Variants in COL6A6 observed in about 807,000 individuals in gnomAD.
COL6A6 encodes the protein collagen alpha-6(VI) chain.
A neutral mutation model predicts 208.6 loss-of-function variants in COL6A6; 183 were observed. The ratio of observed to expected loss-of-function variants is 0.88; its 90% CI spans 0.78 to 0.99. COL6A6 has a LOEUF of 0.99. Among genes scored for constraint, COL6A6 ranks in the 50% least tolerant of loss-of-function variants. The probability of loss-of-function intolerance (pLI) is 0.00; values close to 1 mark genes in which losing one functional copy is unlikely to be tolerated. For synonymous variants in COL6A6, 973 were observed against 1,011.8 expected (o/e 0.96, Z 0.73); for missense variants, 2,816 against 2,815.2 (o/e 1.00, Z -0.01).
intron 7 of COL6A6, among the ~76,000 whole-genome samples, chr3:130,573,653 G>A (rs1456931364): frequency 7.0e-6 from 1 of 142,032 alleles, no homozygotes; most frequent in African/African-American, 2.6e-5. Flanking sequence ...TACAAGCTCC[G>A]CCTCCCGGGT....
Position 130,635,727 on chromosome 3 carries a change from G to T in COL6A6, c.5057G>T (p.Gly1686Val), listed in dbSNP as rs1254310398. ...KGEIGDPGGP[G>V]ETGLKGARGK... The stretch of plus-strand genomic sequence containing the variant: ...GAGATTGGGGACCCTGGTGGTCCAG[G>T]AGAGACTGGGCTGAAGGGAGCTAGA... The change falls in exon 28 of 37, where the codon GGA becomes GTA. Residue 1686 changes from glycine to valine, a missense_variant. By Grantham distance (109) the Gly-to-Val change is moderately radical (BLOSUM62 -3). Transcript: ENST00000358511. The T allele has an allele frequency of 6.2e-7, 1 of 1,612,430 alleles. No individual in the cohort carries two copies. Among genetic ancestry groups the T allele is most frequent in the African/African-American group, 1.3e-5 (1 of 74,914 alleles).
At chr3:130,583,867 G>T (rs2063478092) in intron 10 of COL6A6, among the ~76,000 whole-genome samples, 1 of 152,082 alleles carries the variant, frequency 6.6e-6, no homozygotes, top group South Asian at 2.1e-4. Context: ...ACTTCACTTG[G>T]TGCTGGGCCC....
intron 10 of COL6A6, among the ~76,000 whole-genome samples, chr3:130,583,180 T>A (rs1440962772): frequency 6.6e-6 from 1 of 152,228 alleles, no homozygotes; most frequent in Non-Finnish European, 1.5e-5. Flanking sequence ...TTTTGTTCTC[T>A]CTCTCCAGTC....
chr3:130,530,239 C>A (rs560648871), intron 1 of COL6A6, among the ~76,000 whole-genome samples: 36 of 152,182 alleles, frequency 2.4e-4, no homozygotes, highest in African/African-American at 7.5e-4. Context: ...TCAGCATTCT[C>A]ATCTATCAAA....
chr3:130,562,478 T>G (rs1490624226), intron 2 of COL6A6, among the ~76,000 whole-genome samples: 2 of 152,202 alleles, frequency 1.3e-5, no homozygotes, highest in African/African-American at 2.4e-5. Flanking sequence ...TGAAAAAGAT[T>G]GACTATTCCA....
At chr3:130,593,287 A>G in intron 17 of COL6A6, 35 bp downstream of exon 17, 1 of 1,530,530 alleles carries the variant, frequency 6.5e-7, no homozygotes, top group Middle Eastern at 1.9e-4. Context: ...TAAAAATTGT[A>G]CTGGGGATTA....
intron 1 of COL6A6, among the ~76,000 whole-genome samples, chr3:130,558,630 T>C (rs961163839): frequency 2.6e-5 from 4 of 152,220 alleles, no homozygotes; most frequent in Non-Finnish European, 2.9e-5. Flanking sequence ...CTTCCCATTG[T>C]GACTGTTTGC....
At chr3:130,668,299 A>G (rs942776142) in intron 36 of COL6A6, among the ~76,000 whole-genome samples, 4 of 152,128 alleles carry the variant, frequency 2.6e-5, no homozygotes, top group African/African-American at 9.7e-5. Context: ...CAACATGGTG[A>G]AACCTCATCT....
rs545956406 is a variant in COL6A6 at position 130,520,723 on chromosome 3, C to T, written c.-32+3326C>T. On this transcript the variant is annotated intron_variant, in intron 1 of 36. Transcript: ENST00000358511. ...GCAAAATCTCAGGGAAAATTCCTAA[C>T]GTGAAAAATCTCGGGACAAGATAAA... Among the ~76,000 whole-genome samples the T allele has an allele frequency of 2.3e-4, 35 of 152,264 alleles. 1 individual carries two copies. The highest frequency in any genetic ancestry group is 7.5e-4 in the African/African-American group (31 of 41,550).
intron 33 of COL6A6, among the ~76,000 whole-genome samples, chr3:130,651,858 T>C (rs2065654043): frequency 6.6e-6 from 1 of 152,236 alleles, no homozygotes; most frequent in Non-Finnish European, 1.5e-5. Context: ...GTGTACAACA[T>C]TTAACTTCTG....
rs1157811376 is a variant in COL6A6 at position 130,661,900 on chromosome 3, G to A, written c.6094G>A (p.Glu2032Lys). ...CACTCAGAAGAGTCCAGTTAGAGCTGAGTTCAATCTTACCACCTACAGAAG... is the reference window on the plus strand; with the variant it reads ...CACTCAGAAGAGTCCAGTTAGAGCTAAGTTCAATCTTACCACCTACAGAAG... ...PNTQKSPVRA[E>K]FNLTTYRSKR... The change falls in exon 35 of 37, where the codon GAG (glutamate) becomes AAG (lysine). Residue 2032 changes from glutamate (E) to lysine (K), a missense_variant. Coordinates refer to ENST00000358511, the MANE Select transcript of COL6A6 (RefSeq NM_001102608.3). 5.0e-6 allele frequency: 8 copies of A among 1,613,958 alleles called. No homozygotes were observed. The highest frequency in any genetic ancestry group is 5.9e-6 in the Non-Finnish European group (7 of 1,179,884).
At chr3:130,534,030 G>T (rs1232882330) in intron 1 of COL6A6, among the ~76,000 whole-genome samples, 1 of 152,156 alleles carries the variant, frequency 6.6e-6, no homozygotes, top group Non-Finnish European at 1.5e-5. Context: ...ATGTACCAGG[G>T]TTTCTGTAGG....
chr3:130,583,366 G>A (rs2063466977), intron 10 of COL6A6, among the ~76,000 whole-genome samples: 2 of 152,064 alleles, frequency 1.3e-5, no homozygotes, highest in Non-Finnish European at 2.9e-5. Context: ...TAGTTGGGAT[G>A]GGTAGGGTTG....
At position 130,661,855 on chromosome 3, in the gene COL6A6, C is replaced by G. The variant is rs769364031; in HGVS notation, c.6049C>G (p.Pro2017Ala). The stretch of plus-strand genomic sequence containing the variant: ...CCGGGTGGCCCTATTGAGCCATGCT[C>G]CCCCCGACTTCCTACCCAACACTCA... Reference protein sequence around the residue: ...GDRVALLSHAPPDFLPNTQKS... With the variant: ...GDRVALLSHAAPDFLPNTQKS... Residue 2017 changes from proline to alanine, a missense_variant, in exon 35 of 37, where the codon CCC becomes GCC. Physicochemically the swap from Pro to Ala is conservative, Grantham distance 27. Transcript: ENST00000358511. The G allele has an allele frequency of 1.2e-6, 2 of 1,613,730 alleles. No homozygotes were observed. Among genetic ancestry groups the G allele is most frequent in the Non-Finnish European group, 8.5e-7 (1 of 1,179,774 alleles).
At chr3:130,637,394 T>A (rs12489013) in intron 28 of COL6A6, among the ~76,000 whole-genome samples, 55,417 of 151,300 alleles carry the variant, frequency 0.37, 13,274 homozygotes, top group African/African-American at 0.66. Context: ...AGTCACATTA[T>A]TCATTTTTAA....
intron 36 of COL6A6, among the ~76,000 whole-genome samples, chr3:130,674,815 T>C (rs1484741473): frequency 6.6e-6 from 1 of 152,152 alleles, no homozygotes; most frequent in Non-Finnish European, 1.5e-5. Flanking sequence ...CCAAGTGTTA[T>C]AAAGAAAATA....
At chr3:130,602,528 A>G (rs2064055390) in intron 20 of COL6A6, among the ~76,000 whole-genome samples, 1 of 152,232 alleles carries the variant, frequency 6.6e-6, no homozygotes, top group Non-Finnish European at 1.5e-5. Context: ...CCAGGGTCTC[A>G]AAGAAGTGAA....
chr3:130,611,464 G>A (rs1576327368), intron 23 of COL6A6, among the ~76,000 whole-genome samples: 2 of 152,252 alleles, frequency 1.3e-5, no homozygotes, highest in East Asian at 1.9e-4. Flanking sequence ...CTGTTTGCCT[G>A]TCTCTCCTCC....
intron 1 of COL6A6, among the ~76,000 whole-genome samples, chr3:130,524,201 A>G (rs2061907481): frequency 6.6e-6 from 1 of 152,204 alleles, no homozygotes; most frequent in Non-Finnish European, 1.5e-5. Context: ...AGAATTTCTT[A>G]GCTTTTACTA....
Sources: allele counts gnomAD v4.1 joint callset (sites outside exome capture counted in the v4.1 genomes callset), GRCh38; gene constraint gnomAD v4.1.1; transcripts MANE v1.5; gene names NCBI Gene and HGNC (gene_info 2026-07-23, HGNC 2026-07-21).